DKK2: variants seen among roughly 807,000 people sequenced by gnomAD.
The protein encoded by DKK2 is dickkopf-related protein 2.
In DKK2, 11 loss-of-function variants were observed where a neutral mutation model predicts 28.1. The observed-to-expected ratio is 0.39, with a 90% CI of 0.25 to 0.65. The LOEUF is 0.65. Ranked by LOEUF, DKK2 falls within the 30% of genes least tolerant of loss-of-function variation. The pLI, the probability that DKK2 is intolerant of heterozygous loss-of-function variation, is 0.47. For missense variants in DKK2, 326 were observed against 335.5 expected (o/e 0.97, Z 0.22); for synonymous variants, 135 against 126.5 (o/e 1.07, Z -0.45).
At chr4:106,988,589 G>T (rs988028184) in intron 1 of DKK2, among the ~76,000 whole-genome samples, 1 of 152,126 alleles carries the variant, frequency 6.6e-6, no homozygotes, top group Admixed American at 6.5e-5. Context: ...CAAGTACAGG[G>T]TCTACCTGTA....
At chr4:106,932,552 G>T (rs370376565) in intron 1 of DKK2, among the ~76,000 whole-genome samples, 1 of 152,198 alleles carries the variant, frequency 6.6e-6, no homozygotes, top group Non-Finnish European at 1.5e-5. Context: ...TCTAAACTAC[G>T]AGGTTTACCT....
chr4:106,925,746 G>C lies in DKK2; in HGVS notation c.373+53C>G, dbSNP rs543757949. On this transcript the variant is annotated intron_variant, in intron 2 of 3. Coordinates refer to ENST00000285311, the MANE Select transcript of DKK2 (RefSeq NM_014421.3). The stretch of plus-strand genomic sequence containing the variant: ...GACGATAGCCTGACTTGAGAGACAG[G>C]CTTATGATGATGAAAAGAAAGAGGC... The C allele has an allele frequency of 2.7e-5, 42 of 1,560,728 alleles. No individual in the cohort carries two copies. In the South Asian group the frequency reaches 4.0e-4, roughly 15 times the overall value.
At chr4:106,979,384 ATTCT>A (rs150201163) in intron 1 of DKK2, among the ~76,000 whole-genome samples, 4,677 of 152,000 alleles carry the variant, frequency 0.031, 82 homozygotes, top group African/African-American at 0.044. Context: ...AAAAAATCAG[ATTCT>A]TTCTTCACAT....
rs1381789546 is a variant in DKK2 at position 107,035,864 on chromosome 4, C to G, written c.-273G>C. The stretch of plus-strand genomic sequence containing the variant: ...CAATCAAATGCGAGGCGCTTTCTCG[C>G]CAAGGAGGCGTGACCCAAGGTGCAA... On this transcript the variant is annotated 5_prime_UTR_variant, in exon 1 of 4. Transcript: ENST00000285311. 1 of 501,454 alleles carries G rather than the reference C, an allele frequency of 2.0e-6. No homozygotes were observed. Among genetic ancestry groups the G allele is most frequent in the Non-Finnish European group, 3.6e-6 (1 of 276,892 alleles). The allele number at this position is 501,454 out of a possible 1,614,324, so 31.1% of individuals were successfully genotyped here. A position where few individuals can be genotyped will look rare whatever the true frequency, so the allele number is the denominator to read the frequency against.
chr4:106,926,348 A>T (rs112254953), intron 1 of DKK2, among the ~76,000 whole-genome samples: 2 of 152,206 alleles, frequency 1.3e-5, no homozygotes, highest in South Asian at 4.1e-4. Context: ...CTGTTAAAGA[A>T]CGATGAGAGA....
intron 1 of DKK2, among the ~76,000 whole-genome samples, chr4:106,952,388 A>G (rs1722471454): frequency 6.6e-6 from 1 of 152,158 alleles, no homozygotes; most frequent in Non-Finnish European, 1.5e-5. Flanking sequence ...TATTTCAGCT[A>G]TACTGATATC....
chr4:107,001,166 A>G (rs776311636), intron 1 of DKK2, among the ~76,000 whole-genome samples: 1 of 152,172 alleles, frequency 6.6e-6, no homozygotes, highest in Admixed American at 6.5e-5. Flanking sequence ...TACACTTTCC[A>G]GCATCACAAA....
intron 1 of DKK2, among the ~76,000 whole-genome samples, chr4:106,966,944 A>G (rs1722791694): frequency 6.6e-6 from 1 of 152,194 alleles, no homozygotes; most frequent in Admixed American, 6.5e-5. Flanking sequence ...GGGTGGGGAC[A>G]CAGCCAAACC....
At chr4:107,016,506 C>T (rs375822298) in intron 1 of DKK2, among the ~76,000 whole-genome samples, 2 of 152,028 alleles carry the variant, frequency 1.3e-5, no homozygotes, top group South Asian at 4.1e-4. Flanking sequence ...TCTTAGAAAG[C>T]TCTGCTCTGT....
intron 1 of DKK2, among the ~76,000 whole-genome samples, chr4:106,939,100 C>T (rs1166502722): frequency 6.6e-6 from 1 of 152,178 alleles, no homozygotes; most frequent in East Asian, 1.9e-4. Context: ...TAGTGTTGGA[C>T]GTTTTGGCCA....
At chr4:106,986,802 T>A (rs1289861012) in intron 1 of DKK2, among the ~76,000 whole-genome samples, 1 of 152,218 alleles carries the variant, frequency 6.6e-6, no homozygotes, top group Non-Finnish European at 1.5e-5. Context: ...TTATTATTCT[T>A]TCTTTACTAT....
intron 1 of DKK2, among the ~76,000 whole-genome samples, chr4:106,944,936 T>C (rs1369418386): frequency 6.6e-6 from 1 of 152,122 alleles, no homozygotes; most frequent in Non-Finnish European, 1.5e-5. Context: ...ACCAGAACTT[T>C]ATTCACACAA....
chr4:106,946,369 A>G (rs114768964), intron 1 of DKK2, among the ~76,000 whole-genome samples: 3,654 of 152,252 alleles, frequency 0.024, 61 homozygotes, highest in Non-Finnish European at 0.036. Flanking sequence ...TTCCTTAAAA[A>G]TGATCCCTGG....
At position 107,006,213 on chromosome 4, in the gene DKK2, C is replaced by T. The variant is rs559477191; in HGVS notation, c.222+29157G>A. On this transcript the variant is annotated intron_variant, in intron 1 of 3. Coordinates refer to ENST00000285311, the MANE Select transcript of DKK2 (RefSeq NM_014421.3). Reference sequence around the variant, plus strand: ...TAGAAGGTAATGGTTTGGGGGTTCACATTAAAATAACTTTTAAAAAAGCAA... The same window carrying T: ...TAGAAGGTAATGGTTTGGGGGTTCATATTAAAATAACTTTTAAAAAAGCAA... Among the ~76,000 whole-genome samples, 3 of 152,250 alleles carry T rather than the reference C, an allele frequency of 2.0e-5. No homozygotes were observed. The South Asian group carries it at 6.2e-4, about 32-fold the overall frequency.
At chr4:107,007,918 C>T (rs1723459646) in intron 1 of DKK2, among the ~76,000 whole-genome samples, 1 of 152,130 alleles carries the variant, frequency 6.6e-6, no homozygotes, top group African/African-American at 2.4e-5. Context: ...ATTGTACAGG[C>T]TTGGTGATTT....
chr4:106,970,870 A>G (rs1410097141), intron 1 of DKK2, among the ~76,000 whole-genome samples: 1 of 152,132 alleles, frequency 6.6e-6, no homozygotes, highest in East Asian at 1.9e-4. Context: ...AAATCTTGCT[A>G]TTAAATGCAA....
intron 1 of DKK2, among the ~76,000 whole-genome samples, chr4:106,934,598 CTTGG>C (rs1237098534): frequency 6.6e-6 from 1 of 152,064 alleles, no homozygotes; most frequent in Admixed American, 6.6e-5. Flanking sequence ...TGTTTATTGC[CTTGG>C]TTAATTTCAT....
chr4:106,992,921 G>A (rs957090634), intron 1 of DKK2, among the ~76,000 whole-genome samples: 1 of 152,182 alleles, frequency 6.6e-6, no homozygotes. Context: ...GTGTCTTTGT[G>A]TCTTCTGTGG....
intron 1 of DKK2, among the ~76,000 whole-genome samples, chr4:106,935,606 A>G (rs1273302492): frequency 6.6e-6 from 1 of 152,226 alleles, no homozygotes; most frequent in Non-Finnish European, 1.5e-5. Context: ...AACTGGGTGG[A>G]GCCCACCACA....
Sources: allele counts gnomAD v4.1 joint callset (sites outside exome capture counted in the v4.1 genomes callset), GRCh38; gene constraint gnomAD v4.1.1; transcripts MANE v1.5; gene names NCBI Gene and HGNC (gene_info 2026-07-23, HGNC 2026-07-21).